The following PDIA2 variants were observed in gnomAD, a reference collection of about 807,000 sequenced individuals.
PDIA2 encodes protein disulfide-isomerase A2.
PDIA2 carries 76 observed loss-of-function variants against 51.1 expected under a neutral mutation model. That is an observed-to-expected ratio of 1.49 (90% CI 1.24 to 1.80). PDIA2 has a LOEUF of 1.80. PDIA2 is among the 40% of genes most tolerant of loss of function. The probability of loss-of-function intolerance (pLI) is 0.00; values close to 1 mark genes in which losing one functional copy is unlikely to be tolerated. For synonymous variants in PDIA2, 429 were observed against 309.9 expected (o/e 1.38, Z -4.04); for missense variants, 946 against 706.5 (o/e 1.34, Z -3.84).
At position 286,417 on chromosome 16, in the gene PDIA2, G is replaced by T. The variant is rs376852015; in HGVS notation, c.1184G>T (p.Gly395Val). The change falls in exon 8 of 11, where the codon GGC becomes GTC. Residue 395 changes from glycine (G) to valine (V), a missense_variant. Transcript: ENST00000219406. ...CAGCGGCCAGTTAAGACCCTCGTGG[G>T]CAAGAATTTTGAGCAGGTGGCTTTT... ...WDQRPVKTLV[G>V]KNFEQVAFDE... The T allele has an allele frequency of 1.9e-6, 3 of 1,612,568 alleles. No homozygotes were observed. The highest frequency in any genetic ancestry group is 1.3e-5 in the African/African-American group (1 of 74,648).
At chr16:285,856 T>TCCCAAC (rs553193829) in intron 7 of PDIA2, among the ~76,000 whole-genome samples, 153 bp downstream of exon 7, 1 of 111,484 alleles carries the variant, frequency 9.0e-6, no homozygotes, top group East Asian at 2.2e-4. Flanking sequence ...CCGGCGGTTC[T>TCCCAAC]CCCAACCCCA....
Position 285,692 on chromosome 16 carries a change from G to C in PDIA2, c.1108G>C (p.Gly370Arg). The change falls in exon 7 of 11, where the codon GGC becomes CGC. Residue 370 changes from glycine to arginine, a missense_variant. By Grantham distance (125) the Gly-to-Arg change is moderately radical. Coordinates refer to ENST00000219406, the MANE Select transcript of PDIA2 (RefSeq NM_006849.4). ...TGCTTTCTGCCATGCAGTCCTCAAC[G>C]GCCAAGTCAAGGTCCGCTGCAGACT... ...ITAFCHAVLN[G>R]QVKPYLLSQE... 1.2e-6 allele frequency: 2 copies of C among 1,612,884 alleles called. No individual in the cohort carries two copies. The highest frequency in any genetic ancestry group is 2.2e-5 in the East Asian group (1 of 44,874).
chr16:285,184 C>T lies in PDIA2; in HGVS notation c.779C>T (p.Thr260Met), dbSNP rs376254895. The T allele has an allele frequency of 4.0e-5, 65 of 1,613,042 alleles. 1 individual carries two copies. The Middle Eastern group carries it at 4.9e-4, about 12-fold the overall frequency. ...GTCACACACAGCATGCGCCTGGTCACGGAGTTCAACAGCCAGGTGCGTAGG... is the reference window on the plus strand; with the variant it reads ...GTCACACACAGCATGCGCCTGGTCATGGAGTTCAACAGCCAGGTGCGTAGG... ...FLVTHSMRLV[T>M]EFNSQTSAKI... is the part of the protein sequence containing the mutation. Residue 260 changes from threonine to methionine, a missense_variant, in exon 5 of 11, where the codon ACG becomes ATG. Transcript: ENST00000219406.
Position 287,147 on chromosome 16 carries a change from A to G in PDIA2, c.*34A>G. The G allele has an allele frequency of 1.2e-6, 2 of 1,612,064 alleles. No individual in the cohort carries two copies. The highest frequency in any genetic ancestry group is 1.7e-6 in the Non-Finnish European group (2 of 1,179,412). On this transcript the variant is annotated 3_prime_UTR_variant, in exon 11 of 11. Coordinates refer to ENST00000219406, the MANE Select transcript of PDIA2 (RefSeq NM_006849.4). Reference sequence around the variant, plus strand: ...GTGTCACCCCCGCCATCACTGCTGGACAGGAGCCACCCCCTTGGGTACCAG... The same window carrying G: ...GTGTCACCCCCGCCATCACTGCTGGGCAGGAGCCACCCCCTTGGGTACCAG...
rs746934284 is a variant in PDIA2, at chr16:286,878, A to C, written c.1466A>C (p.Lys489Thr). The change falls in exon 10 of 11, where the codon AAG becomes ACG. Residue 489 changes from lysine (K) to threonine (T), a missense_variant. Lys to Thr is a moderately conservative substitution (Grantham distance 78). Coordinates refer to ENST00000219406, the MANE Select transcript of PDIA2 (RefSeq NM_006849.4). ...KSTRDLETFS[K>T]FLDNGGVLPT... is the part of the protein sequence containing the mutation. ...ACCAGGGACCTGGAGACTTTCTCCA[A>C]GTTCCTGGACAACGGGGGCGTGCTG... 8 of 1,606,994 alleles carry C rather than the reference A, an allele frequency of 5.0e-6. No homozygotes were observed. In the East Asian group the frequency reaches 1.8e-4, roughly 36 times the overall value.
At chr16:284,030 A>C in intron 1 of PDIA2, 3 of 326,040 alleles carry the variant, frequency 9.2e-6, no homozygotes. Context: ...AATCCCGGCT[A>C]ATATTTTTTG....
In PDIA2 at chr16:284,506, G is replaced by A. The variant is rs773408295; in HGVS notation, c.319G>A (p.Glu107Lys). 6.0e-5 allele frequency: 97 copies of A among 1,611,564 alleles called. No individual in the cohort carries two copies. Among genetic ancestry groups the A allele is most frequent in the South Asian group, 5.2e-4 (47 of 90,664 alleles). ...CAAGGTGGATGGGCCCGCGCAGCGC[G>A]AGCTGGCTGAGGAGTTTGGTGTGAC... ...LAKVDGPAQR[E>K]LAEEFGVTEY... The change falls in exon 2 of 11, where the codon GAG becomes AAG. Residue 107 changes from glutamate (E) to lysine (K), a missense_variant. Coordinates refer to ENST00000219406, the MANE Select transcript of PDIA2 (RefSeq NM_006849.4).
At chr16:284,069 T>G in intron 1 of PDIA2, 4 of 416,778 alleles carry the variant, frequency 9.6e-6, no homozygotes, top group Non-Finnish European at 9.0e-6. Flanking sequence ...GGTTTCTCCA[T>G]GTTGGTCAGG....
Position 285,426 on chromosome 16 carries a change from TTCCGGG to T in PDIA2, c.911_916del (p.Phe304_Gly306delinsTrp). 1 of 1,608,734 alleles carries T rather than the reference TTCCGGG, an allele frequency of 6.2e-7. No individual in the cohort carries two copies. Among genetic ancestry groups the T allele is most frequent in the African/African-American group, 1.3e-5 (1 of 74,770 alleles). On this transcript the variant is annotated inframe_deletion, in exon 6 of 11. Transcript: ENST00000219406. ...GGGCTTTGGGGAGGCAGCTCCCCGC[TTCCGGG>T]GGCAGGTACTGGGGGGCTGGGGGAA...
chr16:286,475 T>G lies in PDIA2; in HGVS notation c.1240+2T>G. ...CCAAGAATGTGTTTGTCAAGTTCTG[T>G]GAGTGTTGAGGGAGGCAGGGGTGGT... On this transcript the variant is annotated splice_donor_variant, in intron 8 of 10. Transcript: ENST00000219406. LOFTEE classifies it high-confidence loss of function. 1.2e-6 allele frequency: 2 copies of G among 1,612,874 alleles called. No homozygotes were observed. The highest frequency in any genetic ancestry group is 2.2e-5 in the East Asian group (1 of 44,820).
rs199881504 is a variant in PDIA2 at position 285,548 on chromosome 16, G to C, written c.964G>C (p.Val322Leu). The C allele has an allele frequency of 1.5e-4, 236 of 1,612,924 alleles. No individual in the cohort carries two copies. Among genetic ancestry groups the C allele is most frequent in the Non-Finnish European group, 2.0e-4 (231 of 1,179,956 alleles). Residue 322 changes from valine (V) to leucine (L), a missense_variant, in exon 7 of 11, where the codon GTG becomes CTG. Val to Leu is a conservative substitution (Grantham distance 32, BLOSUM62 1). Coordinates refer to ENST00000219406, the MANE Select transcript of PDIA2 (RefSeq NM_006849.4). ...GGACGTGGCGGCCGACAATGAGCAC[G>C]TGCTGCAGTACTTTGGACTCAAGGC... ...VVDVAADNEH[V>L]LQYFGLKAEA...
rs751560976 is a variant in PDIA2 at position 286,721 on chromosome 16, G to A, written c.1408G>A (p.Gly470Arg). The A allele has an allele frequency of 1.9e-6, 3 of 1,612,864 alleles. No homozygotes were observed. The highest frequency in any genetic ancestry group is 2.5e-6 in the Non-Finnish European group (3 of 1,179,974). ...CCCTACTCTCAAGTACTTCCCAGCA[G>A]GGCCAGGTCGGAAGGTATGGCGGAC... ...GFPTLKYFPA[G>R]PGRKVIEYKS... The change falls in exon 9 of 11, where the codon GGG (glycine) becomes AGG (arginine). Residue 470 changes from glycine (G) to arginine (R), a missense_variant. Gly to Arg is a moderately radical substitution (Grantham distance 125, BLOSUM62 -2). Coordinates refer to ENST00000219406, the MANE Select transcript of PDIA2 (RefSeq NM_006849.4).
At position 284,592 on chromosome 16, in the gene PDIA2, AGGTGAGGGGCAGGCC is replaced by A; in HGVS notation, c.406+3_406+17del. 1.2e-6 allele frequency: 2 copies of A among 1,611,058 alleles called. No individual in the cohort carries two copies. Among genetic ancestry groups the A allele is most frequent in the Non-Finnish European group, 1.7e-6 (2 of 1,179,532 alleles). ...ACCGCACGCACCCGGAGGAGTACAC[AGGTGAGGGGCAGGCC>A]GGTCATTGGGGGGGCGGTGGCCAGG... On this transcript the variant is annotated splice_donor_variant and splice_donor_5th_base_variant and coding_sequence_variant and intron_variant, in exon 2 of 11. Transcript: ENST00000219406. LOFTEE classifies it high-confidence loss of function.
In PDIA2 at chr16:286,913, GAGCCCCCGGAGGAGCCAGC is replaced by G. The variant is rs2052391663; in HGVS notation, c.1508_1526del (p.Pro503ArgfsTer45). 1 of 1,600,036 alleles carries G rather than the reference GAGCCCCCGGAGGAGCCAGC, an allele frequency of 6.2e-7. No individual in the cohort carries two copies. The highest frequency in any genetic ancestry group is 8.5e-7 in the Non-Finnish European group (1 of 1,175,280). On this transcript the variant is annotated frameshift_variant, in exon 10 of 11. Transcript: ENST00000219406. LOFTEE classifies it low-confidence loss of function (END_TRUNC). Reference sequence around the variant, plus strand: ...CAACGGGGGCGTGCTGCCCACGGAGGAGCCCCCGGAGGAGCCAGCAGCCCCGTTCCCGGTGGGTGTCCCT... The same window carrying G: ...CAACGGGGGCGTGCTGCCCACGGAGGAGCCCCGTTCCCGGTGGGTGTCCCT...
intron 7 of PDIA2, 71 bp from the exon 8 acceptor site, chr16:286,282 C>T (rs2052377392): frequency 8.4e-7 from 1 of 1,193,514 alleles, no homozygotes; most frequent in South Asian, 1.5e-5. Context: ...CCCCACCCCC[C>T]AGGCCCTGCA....
chr16:284,912 C>T lies in PDIA2; in HGVS notation c.575C>T (p.Ala192Val), dbSNP rs774579574. 1.2e-6 allele frequency: 2 copies of T among 1,612,864 alleles called. No homozygotes were observed. The highest frequency in any genetic ancestry group is 1.7e-6 in the Non-Finnish European group (2 of 1,179,692). Residue 192 changes from alanine to valine, a missense_variant, in exon 4 of 11, where the codon GCC (alanine) becomes GTC (valine). Transcript: ENST00000219406. ...GACGAGGACGTGGCCACCTTCTTGG[C>T]CTTGGCCCAGGACGCCCTGGACATG... ...LQDEDVATFLALAQDALDMTF... is the reference protein window; with the variant it reads ...LQDEDVATFLVLAQDALDMTF...
At position 285,641 on chromosome 16, in the gene PDIA2, G is replaced by A. The variant is rs767599249; in HGVS notation, c.1057G>A (p.Gly353Ser). The A allele has an allele frequency of 1.2e-6, 2 of 1,613,324 alleles. No homozygotes were observed. The highest frequency in any genetic ancestry group is 1.1e-5 in the South Asian group (1 of 91,086). ...TTKKYAPVDG[G>S]PVTAASITAF... ...TAAGAAGTATGCGCCTGTGGATGGGGGCCCTGTCACCGCAGCGTCCATCAC... is the reference window on the plus strand; with the variant it reads ...TAAGAAGTATGCGCCTGTGGATGGGAGCCCTGTCACCGCAGCGTCCATCAC... Residue 353 changes from glycine to serine, a missense_variant, in exon 7 of 11, where the codon GGC becomes AGC. By Grantham distance (56) the Gly-to-Ser change is moderately conservative (BLOSUM62 0). Transcript: ENST00000219406.
At chr16:283,478 C>A in intron 1 of PDIA2, 110 bp downstream of exon 1, 1 of 1,185,796 alleles carries the variant, frequency 8.4e-7, no homozygotes, top group Non-Finnish European at 1.1e-6. Context: ...GAGGGGCCTC[C>A]CCGCAGGCAC....
Position 284,811 on chromosome 16 carries a change from G to A in PDIA2, c.540+19G>A. 1 of 1,587,698 alleles carries A rather than the reference G, an allele frequency of 6.3e-7. No individual in the cohort carries two copies. The highest frequency in any genetic ancestry group is 2.2e-5 in the East Asian group (1 of 44,654). On this transcript the variant is annotated intron_variant, in intron 3 of 10. Transcript: ENST00000219406. Reference sequence around the variant, plus strand: ...CTTCCAGGTGAGCCACTGGGCATGGGGGGCCGGGCCATGAGGGCAGTGACT... The same window carrying A: ...CTTCCAGGTGAGCCACTGGGCATGGAGGGCCGGGCCATGAGGGCAGTGACT...
Sources: gnomAD v4.1 joint callset for allele counts (sites outside exome capture counted in the v4.1 genomes callset) on GRCh38, gnomAD v4.1.1 for gene constraint, MANE v1.5 for transcripts, NCBI Gene and HGNC (gene_info 2026-07-23, HGNC 2026-07-21) for gene names.